PIP4K2A: variants seen among roughly 807,000 people sequenced by gnomAD.
PIP4K2A encodes the protein phosphatidylinositol 5-phosphate 4-kinase type-2 alpha.
A neutral mutation model predicts 42.9 loss-of-function variants in PIP4K2A; 14 were observed. That is an observed-to-expected ratio of 0.33 (90% CI 0.22 to 0.51). PIP4K2A has a LOEUF of 0.51. PIP4K2A is among the 20% of genes least tolerant of loss of function. The pLI, the probability that PIP4K2A is intolerant of heterozygous loss-of-function variation, is 0.97. For synonymous variants in PIP4K2A, 192 were observed against 192.2 expected, an observed-to-expected ratio of 1.00 and a Z score of 0.01; for missense variants, 434 against 519.8, an observed-to-expected ratio of 0.83 and a Z score of 1.61.
At chr10:22,702,582 C>G (rs1465968453) in intron 1 of PIP4K2A, among the ~76,000 whole-genome samples, 1 of 152,206 alleles carries the variant, frequency 6.6e-6, no homozygotes, top group Non-Finnish European at 1.5e-5. Context: ...TAAACATAAC[C>G]TCTTTCTTTG....
chr10:22,644,735 G>A (rs1454115384), intron 1 of PIP4K2A, among the ~76,000 whole-genome samples: 2 of 152,198 alleles, frequency 1.3e-5, no homozygotes, highest in Non-Finnish European at 2.9e-5. Context: ...CAGGACAGTA[G>A]GGATCTAGTC....
intron 1 of PIP4K2A, among the ~76,000 whole-genome samples, chr10:22,636,453 A>G (rs1778328): frequency 0.088 from 13,314 of 152,122 alleles, 1,061 homozygotes; most frequent in African/African-American, 0.21. Flanking sequence ...TGTAGAGACA[A>G]GGTCTCACTA....
intron 7 of PIP4K2A, among the ~76,000 whole-genome samples, chr10:22,546,846 C>CTTCCGGCTCACTGCAGGAAAACAGTATA (rs1428936225): frequency 6.6e-6 from 1 of 152,176 alleles, no homozygotes; most frequent in East Asian, 1.9e-4. Context: ...GCGGGGTCTG[C>CTTCCGGCTCACTGCAGGAAAACAGTATA]TTCCGGCTCA....
intron 1 of PIP4K2A, among the ~76,000 whole-genome samples, chr10:22,620,124 C>A (rs987371106): frequency 1.3e-5 from 2 of 152,170 alleles, no homozygotes; most frequent in African/African-American, 4.8e-5. Context: ...ATAACATAGA[C>A]ACAAACTCTC....
At chr10:22,555,558 C>G (rs933472977) in intron 6 of PIP4K2A, among the ~76,000 whole-genome samples, 1 of 152,080 alleles carries the variant, frequency 6.6e-6, no homozygotes, top group Non-Finnish European at 1.5e-5. Flanking sequence ...ATGTTCTGGG[C>G]CAGTTGCTTA....
intron 9 of PIP4K2A, chr10:22,539,725 A>G (rs1335958475): frequency 6.2e-6 from 3 of 482,802 alleles, no homozygotes; most frequent in Non-Finnish European, 1.1e-5. Context: ...TGGTAAGAGC[A>G]GCAGTGAGCA....
chr10:22,581,288 T>TTCTAGATGCCTGCGATGCAGCCA (rs71395803), intron 4 of PIP4K2A, among the ~76,000 whole-genome samples: 43,317 of 151,982 alleles, frequency 0.29, 6,585 homozygotes, highest in Non-Finnish European at 0.33. Context: ...GAGCGGAGGC[T>TTCTAGATGCCTGCGATGCAGCCA]TGACATTGAG....
chr10:22,616,119 C>T (rs112051523), intron 1 of PIP4K2A, among the ~76,000 whole-genome samples: 90 of 152,212 alleles, frequency 5.9e-4, no homozygotes, highest in Middle Eastern at 3.4e-3. Context: ...CAGGGTCAAA[C>T]GGGGCGGAGA....
At chr10:22,560,468 C>T (rs188961365) in intron 6 of PIP4K2A, among the ~76,000 whole-genome samples, 9 of 152,278 alleles carry the variant, frequency 5.9e-5, no homozygotes, top group Non-Finnish European at 7.4e-5. Context: ...CATTTTTAGA[C>T]GTAAGGGTAT....
At chr10:22,577,564 G>T (rs1054079601) in intron 4 of PIP4K2A, among the ~76,000 whole-genome samples, 1 of 152,238 alleles carries the variant, frequency 6.6e-6, no homozygotes, top group Non-Finnish European at 1.5e-5. Context: ...TTCTTGTACA[G>T]TCTGCAGAAT....
At chr10:22,658,666 G>T (rs930559712) in intron 1 of PIP4K2A, among the ~76,000 whole-genome samples, 2 of 152,138 alleles carry the variant, frequency 1.3e-5, no homozygotes, top group African/African-American at 4.8e-5. Flanking sequence ...GGATCATATG[G>T]TTGCTGCGCA....
At chr10:22,624,980 T>C (rs1838406522) in intron 1 of PIP4K2A, among the ~76,000 whole-genome samples, 1 of 152,344 alleles carries the variant, frequency 6.6e-6, no homozygotes. Flanking sequence ...TTTGAATCTA[T>C]TTGTTAAAAG....
At chr10:22,710,341 G>A (rs73598597) in intron 1 of PIP4K2A, among the ~76,000 whole-genome samples, 1,590 of 152,306 alleles carry the variant, frequency 0.01, 21 homozygotes, top group African/African-American at 0.036. Context: ...TCTGGGGACT[G>A]TTCTTTCCCC....
chr10:22,664,150 TAC>T (rs1273354267), intron 1 of PIP4K2A, among the ~76,000 whole-genome samples: 11 of 21,726 alleles, frequency 5.1e-4, no homozygotes, highest in African/African-American at 2.0e-3. Context: ...TACATATATA[TAC>T]ACATATATAT....
In PIP4K2A at chr10:22,537,102, G is replaced by T; in HGVS notation, c.*99C>A. On this transcript the variant is annotated 3_prime_UTR_variant, in exon 10 of 10. Transcript: ENST00000376573. ...ATGTAAACAAGGAGGTTTGCTTCCTGCAAGATGAGTACTTCACTGAGTTTG... is the reference window on the plus strand; with the variant it reads ...ATGTAAACAAGGAGGTTTGCTTCCTTCAAGATGAGTACTTCACTGAGTTTG... The T allele has an allele frequency of 2.3e-6, 2 of 872,470 alleles. No individual in the cohort carries two copies. Among genetic ancestry groups the T allele is most frequent in the Non-Finnish European group, 3.6e-6 (2 of 548,468 alleles). The allele number at this position is 872,470 out of a possible 1,614,324, so 54.0% of individuals were successfully genotyped here. A position where few individuals can be genotyped will look rare whatever the true frequency, so the allele number is the denominator to read the frequency against.
chr10:22,713,430 C>T (rs1032222033), intron 1 of PIP4K2A, among the ~76,000 whole-genome samples: 6 of 152,130 alleles, frequency 3.9e-5, no homozygotes, highest in African/African-American at 1.4e-4. Context: ...TGACTTCTGC[C>T]TGACTCCCCA....
intron 1 of PIP4K2A, among the ~76,000 whole-genome samples, chr10:22,672,890 A>C (rs149836097): frequency 5.5e-4 from 84 of 152,336 alleles, no homozygotes; most frequent in Non-Finnish European, 9.0e-4. Context: ...AACAAGCAGC[A>C]ATATGAAAGC....
intron 1 of PIP4K2A, among the ~76,000 whole-genome samples, chr10:22,712,098 C>T (rs1281197607): frequency 6.6e-6 from 1 of 152,152 alleles, no homozygotes; most frequent in Non-Finnish European, 1.5e-5. Flanking sequence ...AAACTTCACT[C>T]CTCTGGTTGT....
At chr10:22,607,381 C>T (rs976855605) in intron 3 of PIP4K2A, among the ~76,000 whole-genome samples, 2 of 152,178 alleles carry the variant, frequency 1.3e-5, no homozygotes, top group South Asian at 2.1e-4. Flanking sequence ...CCACAGGACA[C>T]GCCCAGGATG....
Sources: allele counts gnomAD v4.1 joint callset (sites outside exome capture counted in the v4.1 genomes callset), GRCh38; gene constraint gnomAD v4.1.1; transcripts MANE v1.5; gene names NCBI Gene and HGNC (gene_info 2026-07-23, HGNC 2026-07-21).